The following CEP164 variants were observed in gnomAD, a reference collection of about 807,000 sequenced individuals.
CEP164 encodes centrosomal protein of 164 kDa.
A neutral mutation model predicts 182.7 loss-of-function variants in CEP164; 162 were observed. The observed-to-expected ratio is 0.89, with a 90% CI of 0.78 to 1.01. The LOEUF (loss-of-function observed/expected upper bound fraction) is 1.01, where lower values mean the gene tolerates loss of function less well. CEP164 is among the 50% of genes least tolerant of loss of function. CEP164 has a pLI of 0.00. For missense variants in CEP164, 1,735 were observed against 1,790.4 expected (o/e 0.97, Z 0.56); for synonymous variants, 661 against 690.0 (o/e 0.96, Z 0.66).
At chr11:117,388,771 CTTT>C (rs5795077) in intron 15 of CEP164, among the ~76,000 whole-genome samples, 7 of 142,772 alleles carry the variant, frequency 4.9e-5, no homozygotes, top group Admixed American at 6.9e-5. Flanking sequence ...AATTTTCTCT[CTTT>C]TTTTTTTTTT....
Position 117,355,174 on chromosome 11 carries a change from C to A in CEP164, c.393+3186C>A, listed in dbSNP as rs997064023. On this transcript the variant is annotated intron_variant, in intron 5 of 32. Transcript: ENST00000278935. ...GCCAACCTTCCCAAATCCACCAGGT[C>A]TTTGCTGACATGGAGAAAATCTTAG... 14 of 1,289,872 alleles carry A rather than the reference C, an allele frequency of 1.1e-5. No homozygotes were observed. In the African/African-American group the frequency reaches 2.1e-4, roughly 20 times the overall value. 79.9% of individuals were successfully genotyped at this position (1,289,872 alleles called of 1,614,324 possible). A position where few individuals can be genotyped will look rare whatever the true frequency, so the allele number is the denominator to read the frequency against.
At chr11:117,388,656 G>T (rs1355992714) in intron 15 of CEP164, among the ~76,000 whole-genome samples, 1 of 152,196 alleles carries the variant, frequency 6.6e-6, no homozygotes, top group East Asian at 1.9e-4. Context: ...AACTTCTAAA[G>T]TCCCTGCCAG....
chr11:117,392,070 T>C (rs1269760950), intron 17 of CEP164, among the ~76,000 whole-genome samples, 156 bp from the exon 18 acceptor site: 1 of 152,190 alleles, frequency 6.6e-6, no homozygotes, highest in Non-Finnish European at 1.5e-5. Context: ...CTTCAGGGGC[T>C]GAGTTATTTC....
intron 14 of CEP164, among the ~76,000 whole-genome samples, chr11:117,384,368 A>T (rs1170800600): frequency 6.6e-6 from 1 of 152,226 alleles, no homozygotes; most frequent in Non-Finnish European, 1.5e-5. Flanking sequence ...CCTACAGTGA[A>T]AACTGTGACC....
At chr11:117,331,624 T>A (rs1034082439) in intron 1 of CEP164, among the ~76,000 whole-genome samples, 1 of 152,146 alleles carries the variant, frequency 6.6e-6, no homozygotes, top group Non-Finnish European at 1.5e-5. Context: ...GTCTTCTGTC[T>A]CCAAAGCTGG....
Position 117,411,960 on chromosome 11 carries a change from A to T in CEP164, c.4286+43A>T. ...TCCCAAACTGGGCTGGGCTGTGGGG[A>T]CTGTGCTTGTGCCCTGAGGGGCTGA... On this transcript the variant is annotated intron_variant, in intron 32 of 32. Transcript: ENST00000278935. The surrounding 1 kb of genome is among the most constrained non-coding windows in gnomAD (Gnocchi z 4.4). The T allele has an allele frequency of 6.2e-7, 1 of 1,612,506 alleles. No individual in the cohort carries two copies. The highest frequency in any genetic ancestry group is 8.5e-7 in the Non-Finnish European group (1 of 1,179,216).
At position 117,396,040 on chromosome 11, in the gene CEP164, C is replaced by T. The variant is rs1377631796; in HGVS notation, c.3090-14C>T. The T allele has an allele frequency of 1.2e-6, 2 of 1,614,064 alleles. No individual in the cohort carries two copies. The highest frequency in any genetic ancestry group is 1.7e-6 in the Non-Finnish European group (2 of 1,179,978). On this transcript the variant is annotated splice_polypyrimidine_tract_variant and intron_variant, in intron 24 of 32. Transcript: ENST00000278935. Reference sequence around the variant, plus strand: ...AGCCGCTGCCCTGCCTCTCACTCATCTTTCCTTCCACAGCAGCCTGGAGGC... The same window carrying T: ...AGCCGCTGCCCTGCCTCTCACTCATTTTTCCTTCCACAGCAGCCTGGAGGC...
At chr11:117,331,015 C>T (rs989145121) in intron 1 of CEP164, among the ~76,000 whole-genome samples, 2 of 152,218 alleles carry the variant, frequency 1.3e-5, no homozygotes, top group Non-Finnish European at 2.9e-5. Context: ...CCACCTTCTC[C>T]CCTTTACCTT....
At chr11:117,336,483 G>T in intron 2 of CEP164, 2 of 1,487,278 alleles carry the variant, frequency 1.3e-6, no homozygotes, top group Non-Finnish European at 1.9e-6. Context: ...AAGCTGGATT[G>T]CCCTGGGGAA....
At chr11:117,363,203 C>G (rs1436378466) in intron 7 of CEP164, among the ~76,000 whole-genome samples, 1 of 152,182 alleles carries the variant, frequency 6.6e-6, no homozygotes, top group African/African-American at 2.4e-5. Flanking sequence ...AAAGTACAGC[C>G]AGCAGAAAGC....
At position 117,335,606 on chromosome 11, in the gene CEP164, A is replaced by G. The variant is rs2036970118; in HGVS notation, c.-96A>G. ...TTTTTTTTTTTTTTTTTCAACCAGG[A>G]GAAATAACTTTATTTGGACTGAGAG... On this transcript the variant is annotated splice_region_variant and 5_prime_UTR_variant, in exon 2 of 33. Transcript: ENST00000278935. The G allele has an allele frequency of 6.9e-6, 1 of 144,986 alleles. No homozygotes were observed. The allele number at this position is 144,986 out of a possible 1,614,324, so 9.0% of individuals were successfully genotyped here.
chr11:117,323,219 C>G (rs2035317589), upstream of CEP164, among the ~76,000 whole-genome samples: 1 of 152,036 alleles, frequency 6.6e-6, no homozygotes, highest in South Asian at 2.1e-4. Flanking sequence ...CTAATAGTAA[C>G]TTTATACTCA....
chr11:117,373,760 A>G lies in CEP164; in HGVS notation c.1162A>G (p.Ile388Val), dbSNP rs2135971751. Residue 388 changes from isoleucine (I) to valine (V), a missense_variant, in exon 10 of 33, where the codon ATT becomes GTT. By Grantham distance (29) the Ile-to-Val change is conservative. Coordinates refer to ENST00000278935, the MANE Select transcript of CEP164 (RefSeq NM_014956.5). ...GSSDASQELE[I>V]SEHMKEPQLS... ...GGGTCTGTCTCTCCAGGAACTGGAA[A>G]TTAGTGAACACATGAAGGAACCACA... 6.2e-7 allele frequency: 1 copy of G among 1,614,088 alleles called. No homozygotes were observed. The highest frequency in any genetic ancestry group is 1.3e-5 in the African/African-American group (1 of 75,056).
chr11:117,408,117 T>G, intron 28 of CEP164, 85 bp downstream of exon 28: 1 of 1,034,764 alleles, frequency 9.7e-7, no homozygotes, highest in Non-Finnish European at 1.4e-6. Flanking sequence ...TGGTCCTGCA[T>G]CCGGGGGAGT....
In CEP164 at chr11:117,410,604, A is replaced by G. The variant is rs547085543; in HGVS notation, c.4097-224A>G. ...ATTATGAAAAGCCATAAAACAAGGC[A>G]TTTGAGGGGAAACAAAATATCTTCT... On this transcript the variant is annotated intron_variant, in intron 30 of 32. Transcript: ENST00000278935. 3.4e-5 allele frequency: 16 copies of G among 472,026 alleles called. No individual in the cohort carries two copies. The East Asian group carries it at 5.0e-4, about 15-fold the overall frequency. 29.2% of individuals were successfully genotyped at this position (472,026 alleles called of 1,614,324 possible).
chr11:117,378,629 C>T (rs185345547), intron 11 of CEP164, among the ~76,000 whole-genome samples: 23 of 152,324 alleles, frequency 1.5e-4, no homozygotes, highest in Non-Finnish European at 4.4e-5. Context: ...GTGCGATTGT[C>T]TCCCCTTTCT....
intron 8 of CEP164, among the ~76,000 whole-genome samples, chr11:117,369,755 T>C (rs2042012784): frequency 6.6e-6 from 1 of 152,230 alleles, no homozygotes; most frequent in Admixed American, 6.5e-5. Flanking sequence ...CAGCAGAGAT[T>C]ATTGGCTGTA....
In CEP164 at chr11:117,336,172, G is replaced by T. The variant is rs1167531010; in HGVS notation, c.-22+492G>T. On this transcript the variant is annotated intron_variant, in intron 2 of 32. Coordinates refer to ENST00000278935, the MANE Select transcript of CEP164 (RefSeq NM_014956.5). The stretch of plus-strand genomic sequence containing the variant: ...CTTGATGGGAGAGCAGAACTGGTGA[G>T]ACTTGAGGGAAGGGTCCAGGGCCTG... 4.4e-6 allele frequency: 7 copies of T among 1,581,664 alleles called. No individual in the cohort carries two copies. In the African/African-American group the frequency reaches 9.4e-5, roughly 21 times the overall value.
chr11:117,334,507 C>T (rs1349727165), intron 1 of CEP164, among the ~76,000 whole-genome samples: 1 of 152,146 alleles, frequency 6.6e-6, no homozygotes, highest in Non-Finnish European at 1.5e-5. Context: ...AATATATCGC[C>T]AGGTGCGGTG....
Sources: allele counts gnomAD v4.1 joint callset (sites outside exome capture counted in the v4.1 genomes callset), GRCh38; gene constraint gnomAD v4.1.1; non-coding constraint Gnocchi (gnomAD v3.1); transcripts MANE v1.5; gene names NCBI Gene and HGNC (gene_info 2026-07-23, HGNC 2026-07-21).